FAM135B: variants seen among roughly 807,000 people sequenced by gnomAD.
FAM135B encodes family with sequence similarity 135 member B.
Under a neutral mutation model 127.7 loss-of-function variants are expected in FAM135B, and 43 were observed. That is an observed-to-expected ratio of 0.34 (90% CI 0.26 to 0.43). The LOEUF (loss-of-function observed/expected upper bound fraction) is 0.43. FAM135B is among the 20% of genes least tolerant of loss of function. The pLI is 1.00. For synonymous variants in FAM135B, 670 were observed against 665.1 expected, an observed-to-expected ratio of 1.01 and a Z score of -0.11; for missense variants, 1,558 against 1,725.6, an observed-to-expected ratio of 0.90 and a Z score of 1.72.
rs140678930 is a variant in FAM135B at position 138,314,087 on chromosome 8, G to GCTGTA, written c.78-3168_78-3167insTACAG. 3.9e-5 allele frequency among the ~76,000 whole-genome samples: 6 copies of GCTGTA among 152,264 alleles called. No homozygotes were observed. In the East Asian group the frequency reaches 1.2e-3, roughly 29 times the overall value. On this transcript the variant is annotated intron_variant, in intron 2 of 19. Coordinates refer to ENST00000395297, the MANE Select transcript of FAM135B (RefSeq NM_015912.4). ...GTGTTCCTAAGGGCAGGAATGCTGT[G>GCTGTA]ATGTGCCCCATGGAGAAAGGATGTG...
intron 1 of FAM135B, among the ~76,000 whole-genome samples, chr8:138,421,706 A>T (rs1314708843): frequency 1.3e-5 from 2 of 152,208 alleles, no homozygotes; most frequent in African/African-American, 4.8e-5. Flanking sequence ...AAATGTCCAT[A>T]CTGTCCAAAG....
chr8:138,161,114 GA>G (rs1484641069), intron 12 of FAM135B, among the ~76,000 whole-genome samples: 2 of 152,138 alleles, frequency 1.3e-5, no homozygotes, highest in Non-Finnish European at 2.9e-5. Flanking sequence ...GATACAAGAT[GA>G]TGTTACACCT....
chr8:138,178,527 C>A lies in FAM135B; in HGVS notation c.1029+8G>T, dbSNP rs527587089. 92 of 1,613,070 alleles carry A rather than the reference C, an allele frequency of 5.7e-5. 1 individual carries two copies. In the South Asian group the frequency reaches 9.7e-4, roughly 17 times the overall value. On this transcript the variant is annotated splice_region_variant and intron_variant, in intron 10 of 19. Transcript: ENST00000395297. ...TGATCAGAGAATGCACAGCAGTTGG[C>A]CACTCACCCTCAGGGTGTGGTGTTC...
intron 7 of FAM135B, among the ~76,000 whole-genome samples, chr8:138,226,056 T>C (rs898453729): frequency 6.6e-6 from 1 of 152,068 alleles, no homozygotes; most frequent in Non-Finnish European, 1.5e-5. Flanking sequence ...GGATAACTTA[T>C]TATTCTTATT....
At chr8:138,406,935 G>A (rs1391952189) in intron 1 of FAM135B, among the ~76,000 whole-genome samples, 1 of 151,172 alleles carries the variant, frequency 6.6e-6, no homozygotes. Flanking sequence ...GGAAATAAAG[G>A]GTATTCAATT....
chr8:138,191,605 G>A (rs1816130056), intron 9 of FAM135B, among the ~76,000 whole-genome samples: 1 of 152,190 alleles, frequency 6.6e-6, no homozygotes, highest in South Asian at 2.1e-4. Context: ...CCCCATGGTT[G>A]AGACCTGAAG....
intron 7 of FAM135B, among the ~76,000 whole-genome samples, chr8:138,201,934 T>C (rs368422145): frequency 2.0e-3 from 297 of 152,114 alleles, no homozygotes; most frequent in African/African-American, 6.8e-3. Flanking sequence ...GAGACCAGCC[T>C]TACCAACATG....
intron 5 of FAM135B, among the ~76,000 whole-genome samples, chr8:138,254,472 T>A (rs945715900): frequency 2.0e-5 from 3 of 151,902 alleles, no homozygotes; most frequent in African/African-American, 7.3e-5. Context: ...TGGAACAGAG[T>A]GATAGGGCGG....
chr8:138,375,820 A>G (rs938927030), intron 1 of FAM135B, among the ~76,000 whole-genome samples: 3 of 152,090 alleles, frequency 2.0e-5, no homozygotes, highest in Non-Finnish European at 4.4e-5. Context: ...TTTCTTCTCT[A>G]TTCCAAAATT....
At chr8:138,228,661 C>G (rs1383043865) in intron 7 of FAM135B, among the ~76,000 whole-genome samples, 1 of 152,068 alleles carries the variant, frequency 6.6e-6, no homozygotes, top group Admixed American at 6.5e-5. Context: ...TCATATACCC[C>G]ACAACTTCTG....
chr8:138,237,751 T>C (rs985699541), intron 7 of FAM135B, among the ~76,000 whole-genome samples: 2 of 152,190 alleles, frequency 1.3e-5, no homozygotes, highest in African/African-American at 4.8e-5. Flanking sequence ...GCAGACTGCA[T>C]TCAACTTGGA....
rs1826430310 is a variant in FAM135B, at chr8:138,308,521, T to A, written c.157+2320A>T. Reference sequence around the variant, plus strand: ...GCACAATCTCATTGTAAATTATTGCTGGCCACTGTGTTAATATTCTGTTCT... The same window carrying A: ...GCACAATCTCATTGTAAATTATTGCAGGCCACTGTGTTAATATTCTGTTCT... On this transcript the variant is annotated intron_variant, in intron 3 of 19. Coordinates refer to ENST00000395297, the MANE Select transcript of FAM135B (RefSeq NM_015912.4). 2.6e-5 allele frequency among the ~76,000 whole-genome samples: 4 copies of A among 152,352 alleles called. No homozygotes were observed. In the South Asian group the frequency reaches 8.3e-4, roughly 32 times the overall value.
At chr8:138,308,291 C>CCTCAGCTGAGAT (rs1383022334) in intron 3 of FAM135B, among the ~76,000 whole-genome samples, 1 of 152,220 alleles carries the variant, frequency 6.6e-6, no homozygotes, top group Non-Finnish European at 1.5e-5. Flanking sequence ...GCTGCTCCAT[C>CCTCAGCTGAGAT]CTCAGCTGAG....
At chr8:138,175,015 A>G (rs1586685445) in intron 11 of FAM135B, among the ~76,000 whole-genome samples, 1 of 152,230 alleles carries the variant, frequency 6.6e-6, no homozygotes, top group East Asian at 1.9e-4. Flanking sequence ...TATTGAATGA[A>G]GGACTCTTCC....
chr8:138,148,468 A>T (rs2130685729), intron 14 of FAM135B, 52 bp downstream of exon 14: 2 of 1,428,786 alleles, frequency 1.4e-6, no homozygotes, highest in Non-Finnish European at 1.9e-6. Context: ...CATAAATATT[A>T]TAAGTTGTAT....
chr8:138,245,415 G>A (rs534118812), intron 6 of FAM135B, among the ~76,000 whole-genome samples: 1 of 152,194 alleles, frequency 6.6e-6, no homozygotes, highest in African/African-American at 2.4e-5. Context: ...CATGGGGGTG[G>A]TTACCTCCAT....
At chr8:138,435,625 T>C (rs553943372) in intron 1 of FAM135B, among the ~76,000 whole-genome samples, 1 of 152,290 alleles carries the variant, frequency 6.6e-6, no homozygotes, top group South Asian at 2.1e-4. Flanking sequence ...TTTAGAACAG[T>C]TTTTGTATTT....
At chr8:138,451,696 T>G (rs1158339995) in intron 1 of FAM135B, among the ~76,000 whole-genome samples, 2 of 152,204 alleles carry the variant, frequency 1.3e-5, no homozygotes, top group Non-Finnish European at 2.9e-5. Flanking sequence ...AAATGACTCC[T>G]CTTTTGCTTT....
At chr8:138,208,514 G>A (rs1189301180) in intron 7 of FAM135B, among the ~76,000 whole-genome samples, 1 of 152,046 alleles carries the variant, frequency 6.6e-6, no homozygotes, top group African/African-American at 2.4e-5. Flanking sequence ...TTCTGATCCC[G>A]TTTATTTCAA....
Sources: gnomAD v4.1 joint callset for allele counts (sites outside exome capture counted in the v4.1 genomes callset) on GRCh38, gnomAD v4.1.1 for gene constraint, MANE v1.5 for transcripts, NCBI Gene and HGNC (gene_info 2026-07-23, HGNC 2026-07-21) for gene names.